Variants in FAM200B observed in about 807,000 individuals in gnomAD.
The protein encoded by FAM200B is zinc finger BED-type containing 11, also known as protein FAM200B.
Under a neutral mutation model 33.1 loss-of-function variants are expected in FAM200B, and 32 were observed. That is an observed-to-expected ratio of 0.97 (90% CI 0.73 to 1.30). The LOEUF (loss-of-function observed/expected upper bound fraction) is 1.30. FAM200B is among the 50% of genes most tolerant of loss of function. The probability of loss-of-function intolerance (pLI) is 0.00; values close to 1 mark genes in which losing one functional copy is unlikely to be tolerated. For synonymous variants in FAM200B, 240 were observed against 264.8 expected, an observed-to-expected ratio of 0.91 and a Z score of 0.91; for missense variants, 741 against 754.0, an observed-to-expected ratio of 0.98 and a Z score of 0.20.
chr4:15,671,641 C>T, the FAM200B span, among the ~76,000 whole-genome samples: 1 of 152,054 alleles, frequency 6.6e-6, no homozygotes, highest in African/African-American at 2.4e-5. Flanking sequence ...TTTATGGTTT[C>T]CATCAAATTT....
At chr4:15,673,567 A>G in the FAM200B span, among the ~76,000 whole-genome samples, 13 of 152,340 alleles carry the variant, frequency 8.5e-5, no homozygotes, top group Admixed American at 8.5e-4. Context: ...TTCCAGCTCC[A>G]TTATAATCTT....
the FAM200B span, among the ~76,000 whole-genome samples, chr4:15,668,548 G>A: frequency 7.9e-4 from 120 of 151,376 alleles, no homozygotes; most frequent in Non-Finnish European, 1.3e-3. Context: ...AGCCAACATC[G>A]TACAAGTCAC....
chr4:15,661,766 G>A, the FAM200B span, among the ~76,000 whole-genome samples: 2 of 152,200 alleles, frequency 1.3e-5, no homozygotes, highest in African/African-American at 2.4e-5. Context: ...GAATTACAGA[G>A]TGGCTTATGG....
At chr4:15,638,832 C>T in the FAM200B span, 3 of 577,116 alleles carry the variant, frequency 5.2e-6, no homozygotes, top group Non-Finnish European at 5.8e-6. Context: ...GCTGTCACCA[C>T]TGAGTTAGTT....
chr4:15,674,591 C>A, the FAM200B span, among the ~76,000 whole-genome samples: 1 of 151,610 alleles, frequency 6.6e-6, no homozygotes, highest in South Asian at 2.1e-4. Context: ...ATAAAACCTT[C>A]TTTTCTCCTT....
chr4:15,675,374 C>A, the FAM200B span, among the ~76,000 whole-genome samples: 1 of 152,108 alleles, frequency 6.6e-6, no homozygotes, highest in Non-Finnish European at 1.5e-5. Context: ...AAATGACCAA[C>A]TACTACTATA....
At chr4:15,654,808 G>A in the FAM200B span, among the ~76,000 whole-genome samples, 1 of 152,182 alleles carries the variant, frequency 6.6e-6, no homozygotes, top group African/African-American at 2.4e-5. Flanking sequence ...GCAGATGGGA[G>A]TCCACCGCAG....
the FAM200B span, among the ~76,000 whole-genome samples, chr4:15,643,889 A>C: frequency 1.3e-5 from 2 of 152,244 alleles, no homozygotes; most frequent in African/African-American, 4.8e-5. Flanking sequence ...AACAGCTTTC[A>C]GACTTGGTGA....
At chr4:15,638,730 T>C in the FAM200B span, 3 of 1,338,074 alleles carry the variant, frequency 2.2e-6, no homozygotes, top group Non-Finnish European at 3.2e-6. Flanking sequence ...GAAAGATGCT[T>C]CATTCGTGTT....
the FAM200B span, among the ~76,000 whole-genome samples, chr4:15,639,295 C>T: frequency 5.9e-5 from 9 of 152,364 alleles, no homozygotes; most frequent in Non-Finnish European, 7.3e-5. Flanking sequence ...CTTAATCATT[C>T]TGTTAGATGT....
chr4:15,679,564 A>AC (rs35891118), upstream of FAM200B, among the ~76,000 whole-genome samples: 18,547 of 121,530 alleles, frequency 0.15, 1,215 homozygotes, highest in Non-Finnish European at 0.19. Context: ...TTCAGGAACA[A>AC]AAAAAAAAAA....
chr4:15,640,393 G>GAAAAAAAAAAAA, the FAM200B span, among the ~76,000 whole-genome samples: 2 of 91,622 alleles, frequency 2.2e-5, no homozygotes, highest in Admixed American at 1.3e-4. Context: ...CTACACTACT[G>GAAAAAAAAAAAA]AAAAAAAAAA....
the FAM200B span, among the ~76,000 whole-genome samples, chr4:15,641,983 G>A: frequency 1.3e-5 from 2 of 151,672 alleles, no homozygotes; most frequent in South Asian, 2.1e-4. Context: ...AGCCGAGATT[G>A]CACCACTGCA....
rs1418194979 is a variant in FAM200B at position 15,687,855 on chromosome 4, G to T, written c.878G>T (p.Gly293Val). The change falls in exon 2 of 2, where the codon GGA (glycine) becomes GTA (valine). Residue 293 changes from glycine (G) to valine (V), a missense_variant. Gly to Val is a moderately radical substitution (Grantham distance 109, BLOSUM62 -3). Transcript: ENST00000422728. ...AAATTAAACTGGAAAAACTGTAAAG[G>T]AATTACAAGTGATGGCACAGCAACC... Reference protein sequence around the residue: ...QYKLNWKNCKGITSDGTATMT... With the variant: ...QYKLNWKNCKVITSDGTATMT... 6.4e-7 allele frequency: 1 copy of T among 1,551,232 alleles called. No individual in the cohort carries two copies. The highest frequency in any genetic ancestry group is 1.4e-5 in the African/African-American group (1 of 73,116).
chr4:15,687,156 C>G lies in FAM200B; in HGVS notation c.179C>G (p.Ala60Gly). Residue 60 changes from alanine to glycine, a missense_variant, in exon 2 of 2, where the codon GCA becomes GGA. Physicochemically the swap from Ala to Gly is moderately conservative, Grantham distance 60 (BLOSUM62 0). Transcript: ENST00000422728. ...CATTTCAAAAAGAAAAAAGTAAGTG[C>G]AAGACGTTATAATGAAGATTACTTA... The part of the protein sequence containing the change: ...EPHFKKKKVS[A>G]RRYNEDYLKY... 6.5e-7 allele frequency: 1 copy of G among 1,545,508 alleles called. No individual in the cohort carries two copies. Among genetic ancestry groups the G allele is most frequent in the Non-Finnish European group, 8.7e-7 (1 of 1,144,590 alleles).
chr4:15,670,330 G>C, the FAM200B span, among the ~76,000 whole-genome samples: 1 of 152,176 alleles, frequency 6.6e-6, no homozygotes, highest in Non-Finnish European at 1.5e-5. Flanking sequence ...AACTTTACAG[G>C]AAACAGTCAA....
chr4:15,648,062 G>A, the FAM200B span, among the ~76,000 whole-genome samples: 2 of 152,072 alleles, frequency 1.3e-5, no homozygotes, highest in Non-Finnish European at 2.9e-5. Context: ...TCACTATGTT[G>A]GCCAAGCTGG....
At chr4:15,667,244 G>A in the FAM200B span, among the ~76,000 whole-genome samples, 1 of 152,260 alleles carries the variant, frequency 6.6e-6, no homozygotes, top group East Asian at 1.9e-4. Context: ...CTTTAACCTT[G>A]ATGGCAGTCC....
At chr4:15,674,268 A>C in the FAM200B span, among the ~76,000 whole-genome samples, 72 of 151,734 alleles carry the variant, frequency 4.7e-4, 1 homozygote, top group South Asian at 0.015. Context: ...TTTGGAGGAA[A>C]TAGGATTGTT....
Sources: allele counts gnomAD v4.1 joint callset (sites outside exome capture counted in the v4.1 genomes callset), GRCh38; gene constraint gnomAD v4.1.1; transcripts MANE v1.5; gene names NCBI Gene and HGNC (gene_info 2026-07-23, HGNC 2026-07-21).